COG5: variants seen among roughly 807,000 people sequenced by gnomAD.
COG5 encodes component of oligomeric golgi complex 5.
COG5 carries 86 observed loss-of-function variants against 110.4 expected under a neutral mutation model. The observed-to-expected ratio is 0.78, with a 90% CI of 0.65 to 0.93. The LOEUF is 0.93. Among genes scored for constraint, COG5 ranks in the 40% least tolerant of loss-of-function variants. The pLI is 0.00. For synonymous variants in COG5, 360 were observed against 334.6 expected, an observed-to-expected ratio of 1.08 and a Z score of -0.83; for missense variants, 1,077 against 987.0, an observed-to-expected ratio of 1.09 and a Z score of -1.22.
chr7:107,415,766 GTA>G (rs757898111), intron 6 of COG5, among the ~76,000 whole-genome samples: 42 of 142,840 alleles, frequency 2.9e-4, no homozygotes, highest in African/African-American at 6.9e-4. Context: ...ATGTATGTGT[GTA>G]TATATACACA....
At chr7:107,557,931 A>C (rs1282801017) in intron 2 of COG5, 45 bp downstream of exon 2, 1 of 1,606,440 alleles carries the variant, frequency 6.2e-7, no homozygotes. Context: ...CTAAATTATC[A>C]CTTTAGGCTG....
chr7:107,406,999 C>G (rs1298313209), intron 7 of COG5, among the ~76,000 whole-genome samples: 1 of 152,180 alleles, frequency 6.6e-6, no homozygotes, highest in Non-Finnish European at 1.5e-5. Flanking sequence ...AAATATTCAT[C>G]TTTATTCAAG....
intron 7 of COG5, among the ~76,000 whole-genome samples, chr7:107,376,548 A>T (rs1344416129): frequency 6.6e-6 from 1 of 151,806 alleles, no homozygotes; most frequent in Non-Finnish European, 1.5e-5. Flanking sequence ...ATGTTTTTAA[A>T]TTTTTTGTAA....
chr7:107,302,561 G>A (rs1211770721), intron 11 of COG5, among the ~76,000 whole-genome samples: 2 of 152,146 alleles, frequency 1.3e-5, no homozygotes, highest in Non-Finnish European at 2.9e-5. Flanking sequence ...CTATTTAAGA[G>A]AAATTATCTC....
chr7:107,449,305 T>G (rs1319453873), intron 6 of COG5, among the ~76,000 whole-genome samples: 2 of 152,128 alleles, frequency 1.3e-5, no homozygotes, highest in Non-Finnish European at 2.9e-5. Context: ...GTTCTCCACA[T>G]GTATCCAAAC....
In COG5 at chr7:107,511,847, A is replaced by C. The variant is rs6972524; in HGVS notation, c.538+15390T>G. ...AAGGCCTTTGACAAAATTCAACAAC[A>C]CTTCATGCTAAAAACTCTCAATAAA... is the stretch of plus-strand genomic sequence containing the variant. On this transcript the variant is annotated intron_variant, in intron 6 of 21. Transcript: ENST00000297135. Among the ~76,000 whole-genome samples the C allele has an allele frequency of 4.7e-3, 711 of 152,178 alleles. 6 individuals are homozygous for C. Among genetic ancestry groups the C allele is most frequent in the African/African-American group, 0.016 (673 of 41,532 alleles).
intron 10 of COG5, among the ~76,000 whole-genome samples, chr7:107,352,394 T>A (rs945415674): frequency 6.6e-6 from 1 of 150,434 alleles, no homozygotes; most frequent in African/African-American, 2.5e-5. Context: ...GGCACATGTA[T>A]ACAATGTATA....
At chr7:107,437,780 A>G (rs1794456346) in intron 6 of COG5, among the ~76,000 whole-genome samples, 1 of 152,132 alleles carries the variant, frequency 6.6e-6, no homozygotes, top group African/African-American at 2.4e-5. Flanking sequence ...AGTATATACT[A>G]AGCATTTTTT....
intron 10 of COG5, among the ~76,000 whole-genome samples, chr7:107,329,923 C>A (rs1033718685): frequency 2.6e-5 from 4 of 152,010 alleles, no homozygotes; most frequent in African/African-American, 4.8e-5. Flanking sequence ...ATTTTATTGT[C>A]AAAACTACAT....
intron 17 of COG5, among the ~76,000 whole-genome samples, chr7:107,245,372 G>A (rs570385461): frequency 1.3e-5 from 2 of 152,248 alleles, no homozygotes; most frequent in South Asian, 4.2e-4. Flanking sequence ...AGAGCAACCA[G>A]GCAAGAGGAA....
At chr7:107,308,723 T>C (rs1807942207) in intron 11 of COG5, among the ~76,000 whole-genome samples, 1 of 151,002 alleles carries the variant, frequency 6.6e-6, no homozygotes, top group South Asian at 2.2e-4. Context: ...ATACCATCAT[T>C]AATGGTAACC....
intron 8 of COG5, among the ~76,000 whole-genome samples, chr7:107,367,332 T>G (rs570618235): frequency 6.6e-6 from 1 of 152,088 alleles, no homozygotes; most frequent in African/African-American, 2.4e-5. Flanking sequence ...AATATAGAAA[T>G]GGAGAGGTCT....
chr7:107,294,264 G>A (rs1806411424), intron 12 of COG5, among the ~76,000 whole-genome samples: 1 of 151,954 alleles, frequency 6.6e-6, no homozygotes, highest in African/African-American at 2.4e-5. Context: ...CCATTAACTA[G>A]TCGTATCCTT....
chr7:107,526,167 C>A (rs1004284719), intron 6 of COG5, among the ~76,000 whole-genome samples: 1 of 152,148 alleles, frequency 6.6e-6, no homozygotes, highest in African/African-American at 2.4e-5. Context: ...TTTCAAAGCA[C>A]AATAGCAAGA....
chr7:107,549,574 T>G (rs548658316), intron 3 of COG5, among the ~76,000 whole-genome samples: 86 of 150,920 alleles, frequency 5.7e-4, no homozygotes, highest in African/African-American at 2.0e-3. Flanking sequence ...TTTTTTTTTT[T>G]TGTATTTTTA....
chr7:107,494,766 A>G (rs1798169519), intron 6 of COG5, among the ~76,000 whole-genome samples: 1 of 152,192 alleles, frequency 6.6e-6, no homozygotes, highest in African/African-American at 2.4e-5. Flanking sequence ...AGAAATTGCA[A>G]TGAGTAAGAA....
intron 6 of COG5, among the ~76,000 whole-genome samples, chr7:107,435,288 A>G (rs1794296672): frequency 6.6e-6 from 1 of 152,246 alleles, no homozygotes; most frequent in Non-Finnish European, 1.5e-5. Context: ...ATGGGAAATT[A>G]CATGGTATTT....
At chr7:107,328,712 C>T (rs1208822214) in intron 10 of COG5, among the ~76,000 whole-genome samples, 2 of 152,066 alleles carry the variant, frequency 1.3e-5, no homozygotes, top group African/African-American at 4.8e-5. Context: ...TTCTTTCCCC[C>T]ATAAAACTCT....
At chr7:107,416,694 C>T (rs1322229271) in intron 6 of COG5, among the ~76,000 whole-genome samples, 2 of 151,990 alleles carry the variant, frequency 1.3e-5, no homozygotes, top group African/African-American at 2.4e-5. Flanking sequence ...CATATGTTCC[C>T]CCATCAAAAA....
Sources: gnomAD v4.1 joint callset for allele counts (sites outside exome capture counted in the v4.1 genomes callset) on GRCh38, gnomAD v4.1.1 for gene constraint, MANE v1.5 for transcripts, NCBI Gene and HGNC (gene_info 2026-07-23, HGNC 2026-07-21) for gene names.